CEP97: variants seen among roughly 807,000 people sequenced by gnomAD.
The protein encoded by CEP97 is centrosomal protein 97.
A neutral mutation model predicts 73.1 loss-of-function variants in CEP97; 43 were observed. The ratio of observed to expected loss-of-function variants is 0.59; its 90% CI spans 0.46 to 0.76. The LOEUF is 0.76. Among genes scored for constraint, CEP97 ranks in the 30% least tolerant of loss-of-function variants. The pLI is 0.00. For missense variants in CEP97, 939 were observed against 1,014.0 expected (o/e 0.93, Z 1.00); for synonymous variants, 337 against 370.0 (o/e 0.91, Z 1.02).
Position 101,762,663 on chromosome 3 carries a change from A to C in CEP97, c.1893+103A>C. On this transcript the variant is annotated intron_variant, in intron 10 of 10. Coordinates refer to ENST00000341893, the MANE Select transcript of CEP97 (RefSeq NM_024548.4). Reference sequence around the variant, plus strand: ...TCAGGTGTATTAAGCACTCTTGTTCAAGGTTAAGGGTATGGCTTGTGTTCT... The same window carrying C: ...TCAGGTGTATTAAGCACTCTTGTTCCAGGTTAAGGGTATGGCTTGTGTTCT... 6.2e-6 allele frequency: 5 copies of C among 809,270 alleles called. No homozygotes were observed. The South Asian group carries it at 1.1e-4, about 17-fold the overall frequency. The allele number at this position is 809,270 out of a possible 1,614,324, so 50.1% of individuals were successfully genotyped here.
At chr3:101,742,879 A>G (rs890927917) in intron 6 of CEP97, among the ~76,000 whole-genome samples, 1 of 152,172 alleles carries the variant, frequency 6.6e-6, no homozygotes, top group Non-Finnish European at 1.5e-5. Context: ...AAGAATTGTA[A>G]AAGTATCACA....
At chr3:101,733,770 T>C (rs1465303071) in intron 6 of CEP97, among the ~76,000 whole-genome samples, 4 of 152,140 alleles carry the variant, frequency 2.6e-5, no homozygotes, top group Admixed American at 2.0e-4. Flanking sequence ...GACCTCGTGA[T>C]CCACCCGCCT....
chr3:101,751,568 A>C (rs1335222067), intron 6 of CEP97, among the ~76,000 whole-genome samples: 1 of 152,224 alleles, frequency 6.6e-6, no homozygotes, highest in South Asian at 2.1e-4. Flanking sequence ...GTAGGTCACT[A>C]AAGACTTGCT....
chr3:101,758,983 T>A (rs911011285), intron 9 of CEP97: 2 of 153,584 alleles, frequency 1.3e-5, no homozygotes, highest in Non-Finnish European at 2.9e-5. Flanking sequence ...CAAAGGATAC[T>A]GAGAAGGGAC....
intron 6 of CEP97, among the ~76,000 whole-genome samples, chr3:101,734,705 A>G (rs1325543697): frequency 6.6e-6 from 1 of 152,070 alleles, no homozygotes; most frequent in Non-Finnish European, 1.5e-5. Flanking sequence ...AATAAACCTT[A>G]TTTTGTTTCA....
At position 101,728,825 on chromosome 3, in the gene CEP97, T is replaced by C; in HGVS notation, c.346-11T>C. ...TTTTCATTAAATAGTGTGATGCTTT[T>C]CTTGTGATAGGCCATGGAACAGATC... is the stretch of plus-strand genomic sequence containing the variant. On this transcript the variant is annotated splice_polypyrimidine_tract_variant and intron_variant, in intron 3 of 10. Coordinates refer to ENST00000341893, the MANE Select transcript of CEP97 (RefSeq NM_024548.4). The C allele has an allele frequency of 6.4e-7, 1 of 1,551,228 alleles. No homozygotes were observed. Among genetic ancestry groups the C allele is most frequent in the South Asian group, 1.1e-5 (1 of 88,950 alleles).
intron 4 of CEP97, among the ~76,000 whole-genome samples, chr3:101,730,874 T>TA (rs1339834851): frequency 1.3e-5 from 2 of 152,128 alleles, no homozygotes; most frequent in Non-Finnish European, 2.9e-5. Flanking sequence ...TTTTTAGCAA[T>TA]AATTATTCTA....
At position 101,744,058 on chromosome 3, in the gene CEP97, T is replaced by C. The variant is rs147171166; in HGVS notation, c.729-11372T>C. On this transcript the variant is annotated intron_variant, in intron 6 of 10. Transcript: ENST00000341893. ...TAAGGATGTGGTGCAATTGGAATGC[T>C]CATAAACCACTCTAGGGGACGATAA... Among the ~76,000 whole-genome samples the C allele has an allele frequency of 3.4e-4, 51 of 151,056 alleles. 1 individual carries two copies. Among genetic ancestry groups the C allele is most frequent in the African/African-American group, 1.2e-3 (49 of 41,138 alleles).
chr3:101,765,071 TCTAA>T lies in CEP97; in HGVS notation c.2120_2123del (p.Leu707GlnfsTer25), dbSNP rs777433057. On this transcript the variant is annotated frameshift_variant, in exon 11 of 11. Transcript: ENST00000341893. LOFTEE classifies it low-confidence loss of function (END_TRUNC). Reference sequence around the variant, plus strand: ...TTCCAGACTCTGGTTTTCATTCCTCTCTAACAGAACAAGTTCATTCATTGCAGCA... The same window carrying T: ...TTCCAGACTCTGGTTTTCATTCCTCTCAGAACAAGTTCATTCATTGCAGCA... The T allele has an allele frequency of 6.2e-7, 1 of 1,614,158 alleles. No individual in the cohort carries two copies. The highest frequency in any genetic ancestry group is 1.1e-5 in the South Asian group (1 of 91,076).
At position 101,765,377 on chromosome 3, in the gene CEP97, G is replaced by A. The variant is rs144175442; in HGVS notation, c.2424G>A (p.Gln808=). 2.4e-5 allele frequency: 39 copies of A among 1,614,182 alleles called. 1 individual carries two copies. In the African/African-American group the frequency reaches 4.0e-4, roughly 17 times the overall value. ...SKLHIACFPV[Q]LDTLSDGASV... Reference sequence around the variant, plus strand: ...TTCACATTGCTTGTTTCCCAGTACAGTTAGATACATTGTCTGACGGTGCTT... The same window carrying A: ...TTCACATTGCTTGTTTCCCAGTACAATTAGATACATTGTCTGACGGTGCTT... Residue 808 remains glutamine, a synonymous_variant, in exon 11 of 11, where the codon CAG becomes CAA. Coordinates refer to ENST00000341893, the MANE Select transcript of CEP97 (RefSeq NM_024548.4).
chr3:101,758,363 A>G lies in CEP97; in HGVS notation c.1757A>G (p.Tyr586Cys). ...NYNPQAKDVR[Y>C]EIRLRRMQEH... Reference sequence around the variant, plus strand: ...AACCCTCAAGCCAAAGATGTGCGTTACGAAATCCGGCTACGCAGAATGCAA... The same window carrying G: ...AACCCTCAAGCCAAAGATGTGCGTTGCGAAATCCGGCTACGCAGAATGCAA... Residue 586 changes from tyrosine to cysteine, a missense_variant, in exon 9 of 11, where the codon TAC becomes TGC. By Grantham distance (194) the Tyr-to-Cys change is radical. Coordinates refer to ENST00000341893, the MANE Select transcript of CEP97 (RefSeq NM_024548.4). 6.2e-7 allele frequency: 1 copy of G among 1,614,236 alleles called. No homozygotes were observed. Among genetic ancestry groups the G allele is most frequent in the Non-Finnish European group, 8.5e-7 (1 of 1,180,040 alleles).
intron 10 of CEP97, chr3:101,763,324 TACCA>T: frequency 1.5e-6 from 1 of 651,364 alleles, no homozygotes; most frequent in South Asian, 3.0e-5. Context: ...TACTGTGGAA[TACCA>T]TGGAATAGTT....
At chr3:101,728,635 A>G in intron 3 of CEP97, among the ~76,000 whole-genome samples, 1 of 151,988 alleles carries the variant, frequency 6.6e-6, no homozygotes, top group Non-Finnish European at 1.5e-5. Context: ...CTACTCATAG[A>G]GAGATAATGA....
At chr3:101,758,680 C>T in intron 9 of CEP97, 1 of 430,340 alleles carries the variant, frequency 2.3e-6, no homozygotes, top group Non-Finnish European at 4.2e-6. Context: ...TGAACGTGAG[C>T]TTTATAGGGA....
In CEP97 at chr3:101,755,541, A is replaced by G; in HGVS notation, c.840A>G (p.Leu280=). The change falls in exon 7 of 11, where the codon CTA becomes CTG. Residue 280 remains leucine (L), a synonymous_variant. Coordinates refer to ENST00000341893, the MANE Select transcript of CEP97 (RefSeq NM_024548.4). ...CAGTCTGCCCCCTCACTTCTACACT[A>G]GGTCTTCAAACTGCAGAGGATGCCA... ...LATVCPLTST[L]GLQTAEDAKL... is the part of the protein sequence containing the mutation. The G allele has an allele frequency of 6.2e-7, 1 of 1,614,186 alleles. No homozygotes were observed. Among genetic ancestry groups the G allele is most frequent in the South Asian group, 1.1e-5 (1 of 91,084 alleles).
chr3:101,755,549 A>G lies in CEP97; in HGVS notation c.848A>G (p.Gln283Arg). The G allele has an allele frequency of 6.2e-7, 1 of 1,614,228 alleles. No homozygotes were observed. Among genetic ancestry groups the G allele is most frequent in the Non-Finnish European group, 8.5e-7 (1 of 1,180,034 alleles). Residue 283 changes from glutamine to arginine, a missense_variant, in exon 7 of 11, where the codon CAA becomes CGA. Transcript: ENST00000341893. The stretch of plus-strand genomic sequence containing the variant: ...CCCCTCACTTCTACACTAGGTCTTC[A>G]AACTGCAGAGGATGCCAAACTAGAG... Reference protein sequence around the residue: ...VCPLTSTLGLQTAEDAKLEKI... With the variant: ...VCPLTSTLGLRTAEDAKLEKI...
At chr3:101,757,303 T>A in intron 8 of CEP97, 107 bp downstream of exon 8, 3 of 1,216,610 alleles carry the variant, frequency 2.5e-6, no homozygotes, top group Non-Finnish European at 3.4e-6. Context: ...GTTAGTTTAC[T>A]AACTTCAGTA....
intron 1 of CEP97, 94 bp downstream of exon 1, chr3:101,724,813 T>C (rs1406436882): frequency 1.5e-6 from 2 of 1,322,860 alleles, no homozygotes; most frequent in Non-Finnish European, 2.2e-6. Flanking sequence ...TGTGCAGTTC[T>C]GGACCAGTTC....
chr3:101,726,747 C>A lies in CEP97; in HGVS notation c.186+11C>A. The stretch of plus-strand genomic sequence containing the variant: ...AAACGATTAATACAGGTAGGTATTG[C>A]AATCTGGGAAATGGTTACATAGGAT... On this transcript the variant is annotated intron_variant, in intron 2 of 10. Transcript: ENST00000341893. The A allele has an allele frequency of 6.4e-7, 1 of 1,569,622 alleles. No individual in the cohort carries two copies.
Sources: allele counts gnomAD v4.1 joint callset (sites outside exome capture counted in the v4.1 genomes callset), GRCh38; gene constraint gnomAD v4.1.1; transcripts MANE v1.5; gene names NCBI Gene and HGNC (gene_info 2026-07-23, HGNC 2026-07-21).